Variants in FOXP1 observed in about 807,000 individuals in gnomAD.
The protein encoded by FOXP1 is forkhead box P1, also known as forkhead box protein P1.
FOXP1 carries 15 observed loss-of-function variants against 98.2 expected under a neutral mutation model. That is an observed-to-expected ratio of 0.15 (90% CI 0.10 to 0.24). FOXP1 has a LOEUF of 0.24. Among genes scored for constraint, FOXP1 ranks in the 10% least tolerant of loss-of-function variants. FOXP1 has a pLI of 1.00. For synonymous variants in FOXP1, 371 were observed against 314.5 expected (o/e 1.18, Z -1.90); for missense variants, 633 against 848.5 (o/e 0.75, Z 3.15).
intron 3 of FOXP1, among the ~76,000 whole-genome samples, chr3:71,385,607 T>C (rs554832746): frequency 6.6e-5 from 10 of 152,220 alleles, no homozygotes; most frequent in South Asian, 6.2e-4. Flanking sequence ...AAGATACATA[T>C]ACAAACACAC....
At chr3:71,342,029 GT>G (rs1055371420) in intron 4 of FOXP1, among the ~76,000 whole-genome samples, 2 of 125,102 alleles carry the variant, frequency 1.6e-5, no homozygotes, top group Non-Finnish European at 3.5e-5. Flanking sequence ...TGAATCTTAT[GT>G]TTTTTTCTGC....
chr3:71,451,918 G>C (rs1281773032), intron 3 of FOXP1, among the ~76,000 whole-genome samples: 1 of 152,166 alleles, frequency 6.6e-6, no homozygotes, highest in African/African-American at 2.4e-5. Flanking sequence ...GCTAACTCCA[G>C]GCTACCTCTG....
chr3:71,120,144 G>A (rs1365119220), intron 6 of FOXP1, among the ~76,000 whole-genome samples: 1 of 152,120 alleles, frequency 6.6e-6, no homozygotes, highest in Non-Finnish European at 1.5e-5. Context: ...ACTTACAGGG[G>A]GTAATGACCA....
intron 6 of FOXP1, among the ~76,000 whole-genome samples, chr3:71,144,851 C>G (rs1287025048): frequency 1.3e-5 from 2 of 152,156 alleles, no homozygotes; most frequent in Non-Finnish European, 2.9e-5. Context: ...TCCTCACCAC[C>G]CCTGGCCCCG....
chr3:71,217,184 T>C (rs1344653382), intron 5 of FOXP1, among the ~76,000 whole-genome samples: 1 of 152,218 alleles, frequency 6.6e-6, no homozygotes, highest in Non-Finnish European at 1.5e-5. Flanking sequence ...GGGATTCTCC[T>C]GCTTCAGCCT....
chr3:71,187,384 G>C (rs1272421896), intron 6 of FOXP1, among the ~76,000 whole-genome samples: 1 of 152,120 alleles, frequency 6.6e-6, no homozygotes, highest in Non-Finnish European at 1.5e-5. Flanking sequence ...TCAGGAGTTT[G>C]AGACCAGCTT....
At chr3:71,069,389 C>A (rs182925520) in intron 7 of FOXP1, among the ~76,000 whole-genome samples, 1 of 152,122 alleles carries the variant, frequency 6.6e-6, no homozygotes, top group Admixed American at 6.5e-5. Flanking sequence ...AAAATCATGA[C>A]AGAAAAGAAA....
chr3:71,543,907 T>C (rs1468253562), intron 2 of FOXP1, among the ~76,000 whole-genome samples: 1 of 152,256 alleles, frequency 6.6e-6, no homozygotes, highest in Non-Finnish European at 1.5e-5. Context: ...GAAGTGGTTC[T>C]CTTTTGAATA....
chr3:71,352,692 C>T (rs947681234), intron 4 of FOXP1, among the ~76,000 whole-genome samples: 3 of 152,088 alleles, frequency 2.0e-5, no homozygotes, highest in Non-Finnish European at 2.9e-5. Flanking sequence ...GTCTGGCATA[C>T]AGACAGTAAA....
rs1468825857 is a variant in FOXP1 at position 71,538,237 on chromosome 3, T to A, written c.-298+43312A>T. ...TAGAACTGAATGGATTTTAGTATAT[T>A]CAACGGTTGTGAAACCATCACCACA... On this transcript the variant is annotated intron_variant, in intron 2 of 20. Coordinates refer to ENST00000649528, the MANE Select transcript of FOXP1 (RefSeq NM_001349338.3). 2.0e-5 allele frequency among the ~76,000 whole-genome samples: 3 copies of A among 152,324 alleles called. No individual in the cohort carries two copies. In the East Asian group the frequency reaches 5.8e-4, roughly 29 times the overall value.
intron 3 of FOXP1, among the ~76,000 whole-genome samples, chr3:71,476,423 T>C (rs376107607): frequency 1.4e-5 from 2 of 143,070 alleles, no homozygotes; most frequent in Non-Finnish European, 3.1e-5. Flanking sequence ...TCTTTCTTTC[T>C]TTCATTTGAT....
At chr3:71,013,927 T>A (rs925581291) in intron 12 of FOXP1, among the ~76,000 whole-genome samples, 55 of 152,190 alleles carry the variant, frequency 3.6e-4, no homozygotes, top group Non-Finnish European at 6.9e-4. Context: ...TAAATGGTGC[T>A]GGGAAAACTG....
At chr3:71,006,533 C>T (rs180951856) in intron 12 of FOXP1, among the ~76,000 whole-genome samples, 3 of 152,218 alleles carry the variant, frequency 2.0e-5, no homozygotes, top group East Asian at 3.9e-4. Flanking sequence ...AAAGGAAAAT[C>T]GCTGTCTCAG....
chr3:71,434,823 T>C (rs867106012), intron 3 of FOXP1, among the ~76,000 whole-genome samples: 1 of 152,144 alleles, frequency 6.6e-6, no homozygotes, highest in Middle Eastern at 3.4e-3. Flanking sequence ...AGATGAACAT[T>C]TGTACTATAT....
At chr3:71,052,685 T>C in intron 8 of FOXP1, 59 bp from the exon 9 acceptor site, 1 of 861,958 alleles carries the variant, frequency 1.2e-6, no homozygotes, top group Non-Finnish European at 2.0e-6. Context: ...ACTGTCCCTT[T>C]TGGTGCCATA....
At chr3:71,537,394 T>C (rs992370122) in intron 2 of FOXP1, among the ~76,000 whole-genome samples, 11 of 152,056 alleles carry the variant, frequency 7.2e-5, no homozygotes, top group African/African-American at 2.7e-4. Flanking sequence ...GGCTCAGCAG[T>C]ATGGAAAAGT....
chr3:71,259,134 G>C (rs968798533), intron 5 of FOXP1, among the ~76,000 whole-genome samples: 1 of 151,932 alleles, frequency 6.6e-6, no homozygotes, highest in African/African-American at 2.4e-5. Flanking sequence ...ACAGAGCTAA[G>C]ACTGTGTCTC....
Position 71,466,752 on chromosome 3 carries a change from C to T in FOXP1, c.-168+26674G>A, listed in dbSNP as rs567752170. Among the ~76,000 whole-genome samples the T allele has an allele frequency of 3.3e-5, 5 of 152,328 alleles. No individual in the cohort carries two copies. In the East Asian group the frequency reaches 7.7e-4, roughly 23 times the overall value. ...AAAGTAGAAAGATATATCCGACCAT[C>T]GGGAAGGTCACAAAGAGCACTGCCT... On this transcript the variant is annotated intron_variant, in intron 3 of 20. Coordinates refer to ENST00000649528, the MANE Select transcript of FOXP1 (RefSeq NM_001349338.3).
chr3:71,502,989 A>AC (rs1262796933), intron 2 of FOXP1, among the ~76,000 whole-genome samples: 3 of 151,884 alleles, frequency 2.0e-5, no homozygotes, highest in Admixed American at 6.6e-5. Context: ...AGAAAAAAAA[A>AC]AAAAAACAAG....
Sources: allele counts gnomAD v4.1 joint callset (sites outside exome capture counted in the v4.1 genomes callset), GRCh38; gene constraint gnomAD v4.1.1; transcripts MANE v1.5; gene names NCBI Gene and HGNC (gene_info 2026-07-23, HGNC 2026-07-21).